The following PPAT variants were observed in gnomAD, a reference collection of about 807,000 sequenced individuals.
PPAT encodes amidophosphoribosyltransferase.
In PPAT, 20 loss-of-function variants were observed where a neutral mutation model predicts 60.2. The observed-to-expected ratio is 0.33, with a 90% CI of 0.23 to 0.48. PPAT has a LOEUF of 0.48. Ranked by LOEUF, PPAT falls within the 20% of genes least tolerant of loss-of-function variation. The probability of loss-of-function intolerance (pLI) is 0.99; values close to 1 mark genes in which losing one functional copy is unlikely to be tolerated. For missense variants in PPAT, 349 were observed against 629.6 expected, an observed-to-expected ratio of 0.55 and a Z score of 4.77; for synonymous variants, 194 against 215.1, an observed-to-expected ratio of 0.90 and a Z score of 0.86.
chr4:56,397,766 G>A (rs1046845997), intron 9 of PPAT, among the ~76,000 whole-genome samples: 1 of 152,150 alleles, frequency 6.6e-6, no homozygotes, highest in Non-Finnish European at 1.5e-5. Flanking sequence ...GTGAGGCCGG[G>A]TATGGTGGCT....
At position 56,396,933 on chromosome 4, in the gene PPAT, C is replaced by T. The variant is rs1448232283; in HGVS notation, c.1237-194G>A. ...TGAGGAAGTTTCTTTGTCTAGATAT[C>T]CTACTTCTCATTTGATGTCTTTACA... On this transcript the variant is annotated intron_variant, in intron 9 of 10. Transcript: ENST00000264220. This position sits in a 1 kb window ranked among gnomAD's most constrained non-coding sequence, Gnocchi z 4.6. The T allele has an allele frequency of 2.3e-6, 1 of 431,198 alleles. No homozygotes were observed. Among genetic ancestry groups the T allele is most frequent in the East Asian group, 4.2e-5 (1 of 24,066 alleles). 26.7% of individuals were successfully genotyped at this position (431,198 alleles called of 1,614,324 possible).
intron 3 of PPAT, among the ~76,000 whole-genome samples, 193 bp downstream of exon 3, chr4:56,406,302 C>T (rs1433435082): frequency 3.3e-5 from 5 of 152,164 alleles, no homozygotes; most frequent in Non-Finnish European, 7.3e-5. Flanking sequence ...ACCCTTGTCT[C>T]GAACTCTAGG....
chr4:56,399,157 G>C (rs1560637048), intron 9 of PPAT, 22 bp downstream of exon 9: 2 of 1,566,538 alleles, frequency 1.3e-6, no homozygotes, highest in Admixed American at 3.4e-5. Context: ...TATGCTTTAG[G>C]ATATGTTTTA....
At chr4:56,428,077 A>G (rs1406522238) in intron 1 of PPAT, among the ~76,000 whole-genome samples, 2 of 152,250 alleles carry the variant, frequency 1.3e-5, no homozygotes, top group Admixed American at 6.5e-5. Context: ...TCTGTCTTAT[A>G]ATTTTTAGAA....
At chr4:56,397,446 A>G (rs1444470217) in intron 9 of PPAT, among the ~76,000 whole-genome samples, 2 of 152,216 alleles carry the variant, frequency 1.3e-5, no homozygotes, top group Non-Finnish European at 2.9e-5. Flanking sequence ...CATAATCCCA[A>G]TTATCTTGGA....
intron 1 of PPAT, among the ~76,000 whole-genome samples, chr4:56,410,018 T>C (rs574682149): frequency 1.3e-5 from 2 of 152,316 alleles, no homozygotes; most frequent in South Asian, 2.1e-4. Context: ...TAATACTATA[T>C]ACCATATGGG....
intron 1 of PPAT, among the ~76,000 whole-genome samples, chr4:56,414,632 C>G (rs112642013): frequency 4.6e-4 from 70 of 152,322 alleles, no homozygotes; most frequent in African/African-American, 1.7e-3. Context: ...AAAAAATTAT[C>G]TGAAGAGGTT....
chr4:56,400,321 A>G (rs1716081276), intron 8 of PPAT: 1 of 152,352 alleles, frequency 6.6e-6, no homozygotes, highest in Non-Finnish European at 1.5e-5. Context: ...AGCTTACGTT[A>G]TTGCAAGAAT....
chr4:56,425,645 T>A (rs962940134), intron 1 of PPAT, among the ~76,000 whole-genome samples: 1 of 152,162 alleles, frequency 6.6e-6, no homozygotes. Context: ...GACAGAGGCA[T>A]CTTTGTTGTG....
intron 10 of PPAT, 43 bp from the exon 11 acceptor site, chr4:56,395,591 T>TA (rs768367726): frequency 5.7e-6 from 8 of 1,405,744 alleles, no homozygotes; most frequent in Admixed American, 3.0e-5. Context: ...AGAATTCCTT[T>TA]AGAAAGGAAG....
At chr4:56,403,588 T>C (rs1461934485) in intron 3 of PPAT, among the ~76,000 whole-genome samples, 187 bp from the exon 4 acceptor site, 1 of 152,160 alleles carries the variant, frequency 6.6e-6, no homozygotes, top group African/African-American at 2.4e-5. Flanking sequence ...AGACAATTTT[T>C]CCATGGACCA....
chr4:56,420,124 T>C, intron 1 of PPAT: 1 of 394,842 alleles, frequency 2.5e-6, no homozygotes, highest in Non-Finnish European at 3.4e-6. Context: ...CCAAAATGCC[T>C]GGGATCAGAA....
chr4:56,397,996 C>T (rs570913052), intron 9 of PPAT, among the ~76,000 whole-genome samples: 3 of 151,672 alleles, frequency 2.0e-5, no homozygotes, highest in Non-Finnish European at 4.4e-5. Context: ...AAGCTGAGAT[C>T]GAACCACTGC....
At chr4:56,427,711 T>C (rs527301015) in intron 1 of PPAT, among the ~76,000 whole-genome samples, 1 of 151,830 alleles carries the variant, frequency 6.6e-6, no homozygotes, top group Admixed American at 6.6e-5. Flanking sequence ...GAATTTAAGA[T>C]GAGAGGAACT....
intron 1 of PPAT, among the ~76,000 whole-genome samples, chr4:56,415,407 A>G (rs927320002): frequency 2.6e-5 from 4 of 152,216 alleles, no homozygotes; most frequent in African/African-American, 9.6e-5. Flanking sequence ...GATGTACTTC[A>G]TCCTCCTCAT....
chr4:56,433,810 T>TC (rs1016446978), intron 1 of PPAT, among the ~76,000 whole-genome samples: 2 of 151,986 alleles, frequency 1.3e-5, no homozygotes, highest in African/African-American at 4.8e-5. Context: ...TTCTCCTGCC[T>TC]CAGCCTCCGG....
chr4:56,404,013 C>T, intron 3 of PPAT: 1 of 447,146 alleles, frequency 2.2e-6, no homozygotes. Context: ...TGGTTCCTAA[C>T]AAGCCACAGA....
chr4:56,434,080 C>G (rs905348474), intron 1 of PPAT, among the ~76,000 whole-genome samples: 1 of 152,114 alleles, frequency 6.6e-6, no homozygotes, highest in African/African-American at 2.4e-5. Flanking sequence ...AACTAATTTT[C>G]TCAATAAACT....
intron 1 of PPAT, 54 bp from the exon 2 acceptor site, chr4:56,407,770 G>T (rs1013008239): frequency 1.5e-6 from 2 of 1,361,586 alleles, no homozygotes; most frequent in African/African-American, 1.4e-5. Context: ...TTAGCTTCTT[G>T]AAGAACTTTA....
Sources: gnomAD v4.1 joint callset for allele counts (sites outside exome capture counted in the v4.1 genomes callset) on GRCh38, gnomAD v4.1.1 for gene constraint, Gnocchi (gnomAD v3.1) non-coding constraint, MANE v1.5 for transcripts, NCBI Gene and HGNC (gene_info 2026-07-23, HGNC 2026-07-21) for gene names.